CD55: variants seen among roughly 807,000 people sequenced by gnomAD.
The protein encoded by CD55 is CD55 molecule (Cromer blood group), also known as complement decay-accelerating factor.
Under a neutral mutation model 45.8 loss-of-function variants are expected in CD55, and 41 were observed. That is an observed-to-expected ratio of 0.90 (90% confidence interval 0.70 to 1.16). The LOEUF (loss-of-function observed/expected upper bound fraction) is 1.16. Among genes scored for constraint, CD55 ranks in the 50% most tolerant of loss-of-function variants. The pLI, the probability that CD55 is intolerant of heterozygous loss-of-function variation, is 0.00. For synonymous variants in CD55, 181 were observed against 181.1 expected (o/e 1.00, Z 0.01); for missense variants, 416 against 469.8 (o/e 0.89, Z 1.06).
At chr1:207,351,515 C>T (rs76074888) in intron 9 of CD55, among the ~76,000 whole-genome samples, 436 of 152,244 alleles carry the variant, frequency 2.9e-3, no homozygotes, top group Non-Finnish European at 4.8e-3. Context: ...TCTTATGAAT[C>T]TGGATGATCC....
chr1:207,348,815 T>C lies in CD55; in HGVS notation c.1081+9398T>C, dbSNP rs147816036. 6.2e-4 allele frequency among the ~76,000 whole-genome samples: 95 copies of C among 152,294 alleles called. 1 individual carries two copies. Among genetic ancestry groups the C allele is most frequent in the African/African-American group, 2.2e-3 (90 of 41,564 alleles). On this transcript the variant is annotated intron_variant, in intron 9 of 9. Coordinates refer to ENST00000367064, the MANE Select transcript of CD55 (RefSeq NM_000574.5). ...CTAGCCAGTTATAGCATTTATTGAA[T>C]AGAGAATCCATTCCCCATTGCTTGT...
chr1:207,332,971 A>G (rs1361219023), intron 6 of CD55, among the ~76,000 whole-genome samples: 2 of 152,130 alleles, frequency 1.3e-5, no homozygotes, highest in East Asian at 1.9e-4. Flanking sequence ...TAGGAAAGAG[A>G]AACCAGCAAA....
intron 9 of CD55, chr1:207,347,132 GT>G (rs934559495): frequency 1.5e-5 from 7 of 456,052 alleles, no homozygotes; most frequent in Non-Finnish European, 3.1e-5. Flanking sequence ...TCCTGCTTAG[GT>G]TTCTCTCCAT....
chr1:207,357,793 T>G (rs556330828), intron 9 of CD55, among the ~76,000 whole-genome samples: 10 of 152,250 alleles, frequency 6.6e-5, no homozygotes, highest in African/African-American at 2.4e-4. Flanking sequence ...CCCCAGTGAA[T>G]GCTTGAAACA....
chr1:207,331,058 ATACTT>A (rs1654919422), intron 5 of CD55, 45 bp from the exon 6 acceptor site: 5 of 1,263,892 alleles, frequency 4.0e-6, no homozygotes, highest in Non-Finnish European at 5.6e-6. Context: ...ATTTGTAAAA[ATACTT>A]TACTAGTTTT....
chr1:207,341,089 A>G (rs891097720), intron 9 of CD55, among the ~76,000 whole-genome samples: 2 of 152,090 alleles, frequency 1.3e-5, no homozygotes, highest in African/African-American at 4.8e-5. Context: ...ATGTCTGTTC[A>G]TGTCTTTTGC....
At chr1:207,342,040 GT>G (rs28738995) in intron 9 of CD55, among the ~76,000 whole-genome samples, 162 of 151,806 alleles carry the variant, frequency 1.1e-3, no homozygotes, top group African/African-American at 3.5e-3. Flanking sequence ...TTCTTTCTCA[GT>G]TTGTTCATTA....
intron 9 of CD55, among the ~76,000 whole-genome samples, chr1:207,351,018 G>A (rs1655847944): frequency 6.6e-6 from 1 of 151,994 alleles, no homozygotes; most frequent in African/African-American, 2.4e-5. Context: ...ACATTGTTCT[G>A]GCTGTGTCCC....
At chr1:207,337,988 C>T (rs773984137) in intron 8 of CD55, among the ~76,000 whole-genome samples, 4 of 152,058 alleles carry the variant, frequency 2.6e-5, no homozygotes, top group Admixed American at 6.5e-5. Flanking sequence ...CCATTATGAC[C>T]GTATTTTCAA....
At position 207,321,682 on chromosome 1, in the gene CD55, T is replaced by A. The variant is rs1654403401; in HGVS notation, c.-84T>A. Reference sequence around the variant, plus strand: ...TATTGCGGAGCCACGAGGCTTCTGCTTACTGCAACTCGCTCCGGCCGCTGG... The same window carrying A: ...TATTGCGGAGCCACGAGGCTTCTGCATACTGCAACTCGCTCCGGCCGCTGG... On this transcript the variant is annotated 5_prime_UTR_variant, in exon 1 of 10. Coordinates refer to ENST00000367064, the MANE Select transcript of CD55 (RefSeq NM_000574.5). The A allele has an allele frequency of 1.0e-6, 1 of 1,004,652 alleles. No individual in the cohort carries two copies. Among genetic ancestry groups the A allele is most frequent in the Non-Finnish European group, 1.4e-6 (1 of 709,034 alleles). The allele number at this position is 1,004,652 out of a possible 1,614,324, so 62.2% of individuals were successfully genotyped here.
chr1:207,334,986 C>T (rs962448039), intron 6 of CD55, among the ~76,000 whole-genome samples: 5 of 152,000 alleles, frequency 3.3e-5, no homozygotes. Context: ...ATATACCATG[C>T]AAATATTAAC....
At chr1:207,330,080 G>A (rs1654873977) in intron 5 of CD55, among the ~76,000 whole-genome samples, 2 of 152,112 alleles carry the variant, frequency 1.3e-5, no homozygotes, top group South Asian at 4.1e-4. Flanking sequence ...ATCTTGTTCA[G>A]CTTTGCGCTT....
At chr1:207,341,710 G>C (rs780016652) in intron 9 of CD55, among the ~76,000 whole-genome samples, 1 of 151,040 alleles carries the variant, frequency 6.6e-6, no homozygotes. Context: ...TTTTTGCTCG[G>C]GTTGTGTTAG....
intron 9 of CD55, among the ~76,000 whole-genome samples, chr1:207,354,748 G>C (rs147905283): frequency 7.2e-4 from 109 of 152,210 alleles, no homozygotes; most frequent in African/African-American, 2.3e-3. Flanking sequence ...GAGATAATAT[G>C]CTCTTATTAA....
chr1:207,323,185 A>G (rs1469596536), intron 2 of CD55, among the ~76,000 whole-genome samples: 1 of 151,168 alleles, frequency 6.6e-6, no homozygotes, highest in Non-Finnish European at 1.5e-5. Flanking sequence ...AGAGATATAT[A>G]TAATTGGGAT....
In CD55 at chr1:207,322,407, A is replaced by G; in HGVS notation, c.126A>G (p.Val42=). ...VWGDCGLPPD[V]PNAQPALEGR... ...GTGACTGTGGCCTTCCCCCAGATGT[A>G]CCTAATGCCCAGCCAGCTTTGGAAG... The change falls in exon 2 of 10, where the codon GTA becomes GTG. Residue 42 remains valine, a synonymous_variant. Transcript: ENST00000367064. 6.2e-7 allele frequency: 1 copy of G among 1,614,080 alleles called. No homozygotes were observed. The highest frequency in any genetic ancestry group is 1.7e-5 in the Admixed American group (1 of 60,026).
At chr1:207,325,340 A>G (rs1654628279) in intron 3 of CD55, among the ~76,000 whole-genome samples, 1 of 151,982 alleles carries the variant, frequency 6.6e-6, no homozygotes, top group African/African-American at 2.4e-5. Flanking sequence ...ATCTCAAAAA[A>G]AAAAAAAAAA....
At chr1:207,335,033 A>G (rs1298583156) in intron 6 of CD55, among the ~76,000 whole-genome samples, 1 of 152,172 alleles carries the variant, frequency 6.6e-6, no homozygotes, top group Non-Finnish European at 1.5e-5. Flanking sequence ...ATTAATATCA[A>G]TGTATATTTT....
intron 9 of CD55, chr1:207,347,057 G>A: frequency 2.2e-6 from 1 of 455,258 alleles, no homozygotes; most frequent in Non-Finnish European, 4.4e-6. Context: ...GGTGCATCCT[G>A]TCACTTGTTT....
Sources: gnomAD v4.1 joint callset for allele counts (sites outside exome capture counted in the v4.1 genomes callset) on GRCh38, gnomAD v4.1.1 for gene constraint, MANE v1.5 for transcripts, NCBI Gene and HGNC (gene_info 2026-07-23, HGNC 2026-07-21) for gene names.